CPNE8: variants seen among roughly 807,000 people sequenced by gnomAD.
The protein encoded by CPNE8 is copine 8.
CPNE8 carries 45 observed loss-of-function variants against 81.5 expected under a neutral mutation model. The ratio of observed to expected loss-of-function variants is 0.55; its 90% confidence interval spans 0.44 to 0.71. The LOEUF is 0.71. CPNE8 is among the 30% of genes least tolerant of loss of function. The pLI is 0.00. For synonymous variants in CPNE8, 252 were observed against 226.3 expected, an observed-to-expected ratio of 1.11 and a Z score of -1.02; for missense variants, 594 against 672.1, an observed-to-expected ratio of 0.88 and a Z score of 1.28.
At chr12:38,868,711 T>C (rs758610041) in intron 3 of CPNE8, among the ~76,000 whole-genome samples, 7 of 152,208 alleles carry the variant, frequency 4.6e-5, no homozygotes, top group Non-Finnish European at 8.8e-5. Context: ...TATCTATTTG[T>C]CTCTCCAAAC....
chr12:38,826,875 T>C (rs1398258351), intron 6 of CPNE8, among the ~76,000 whole-genome samples: 1 of 151,858 alleles, frequency 6.6e-6, no homozygotes, highest in Non-Finnish European at 1.5e-5. Context: ...TTTAAAAATA[T>C]GTATACCACA....
At chr12:38,701,914 T>C (rs1405156765) in intron 14 of CPNE8, among the ~76,000 whole-genome samples, 3 of 152,178 alleles carry the variant, frequency 2.0e-5, no homozygotes, top group Non-Finnish European at 4.4e-5. Context: ...TAGAGTCTGG[T>C]CTTATCTGTA....
chr12:38,700,358 C>A (rs929844750), intron 14 of CPNE8, among the ~76,000 whole-genome samples: 12 of 151,558 alleles, frequency 7.9e-5, no homozygotes, highest in African/African-American at 2.9e-4. Context: ...CCTGTCTCAG[C>A]CTCCCTAGTA....
chr12:38,878,388 C>T (rs980618425), intron 1 of CPNE8, among the ~76,000 whole-genome samples: 1 of 152,086 alleles, frequency 6.6e-6, no homozygotes, highest in Admixed American at 6.5e-5. Flanking sequence ...AGTAGATAAG[C>T]AGGAATTTAG....
chr12:38,667,878 A>T (rs1414366989), intron 19 of CPNE8, among the ~76,000 whole-genome samples: 1 of 151,960 alleles, frequency 6.6e-6, no homozygotes, highest in African/African-American at 2.4e-5. Context: ...GCTCACCGCA[A>T]TCTCCACCTC....
rs35643732 is a variant in CPNE8 at position 38,687,370 on chromosome 12, C to CTTTTTTTTTTTTTTTTTTTTTTTT, written c.1144-1754_1144-1753insAAAAAAAAAAAAAAAAAAAAAAAA. ...GCTACCAAATTACGAAATGCCAAGACTTTCTTTTTTTTTTTTTTTTTTTTT... is the reference window on the plus strand; with the variant it reads ...GCTACCAAATTACGAAATGCCAAGACTTTTTTTTTTTTTTTTTTTTTTTTTTTCTTTTTTTTTTTTTTTTTTTTT... On this transcript the variant is annotated intron_variant, in intron 15 of 19. Transcript: ENST00000331366. Among the ~76,000 whole-genome samples, 2 of 95,494 alleles carry CTTTTTTTTTTTTTTTTTTTTTTTT rather than the reference C, an allele frequency of 2.1e-5. 1 individual carries two copies. Among genetic ancestry groups the CTTTTTTTTTTTTTTTTTTTTTTTT allele is most frequent in the Non-Finnish European group, 4.3e-5 (2 of 46,860 alleles). 62.6% of individuals were successfully genotyped at this position (95,494 alleles called of 152,430 possible).
intron 10 of CPNE8, among the ~76,000 whole-genome samples, chr12:38,744,653 G>T (rs1038167688): frequency 2.6e-5 from 4 of 152,082 alleles, no homozygotes; most frequent in Non-Finnish European, 5.9e-5. Flanking sequence ...AAATCTGAAG[G>T]CTCCACATTC....
chr12:38,848,408 G>C (rs1943590275), intron 4 of CPNE8, 151 bp downstream of exon 4: 1 of 1,275,660 alleles, frequency 7.8e-7, no homozygotes, highest in Non-Finnish European at 1.0e-6. Context: ...TGCAAAGCAG[G>C]GGGCTTGCTT....
intron 19 of CPNE8, among the ~76,000 whole-genome samples, chr12:38,667,474 T>C (rs1410029386): frequency 6.6e-6 from 1 of 152,258 alleles, no homozygotes; most frequent in Admixed American, 6.5e-5. Context: ...TTTTACACAA[T>C]GTGAATGTAA....
At chr12:38,654,777 G>A (rs1319946551) in intron 19 of CPNE8, among the ~76,000 whole-genome samples, 1 of 152,046 alleles carries the variant, frequency 6.6e-6, no homozygotes, top group Non-Finnish European at 1.5e-5. Flanking sequence ...GTTAATATAT[G>A]CCTAATTCAG....
chr12:38,712,565 G>A (rs528666236), intron 13 of CPNE8, among the ~76,000 whole-genome samples: 1 of 152,184 alleles, frequency 6.6e-6, no homozygotes, highest in Non-Finnish European at 1.5e-5. Flanking sequence ...CATTTCAATT[G>A]TTCAAGTATT....
At chr12:38,891,449 A>AT (rs745723951) in intron 1 of CPNE8, among the ~76,000 whole-genome samples, 8,177 of 145,700 alleles carry the variant, frequency 0.056, 698 homozygotes, top group African/African-American at 0.19. Flanking sequence ...GTATAAACTA[A>AT]TTTTTTTTTT....
intron 10 of CPNE8, among the ~76,000 whole-genome samples, chr12:38,758,649 G>A (rs1330067582): frequency 6.6e-6 from 1 of 152,126 alleles, no homozygotes; most frequent in Non-Finnish European, 1.5e-5. Flanking sequence ...GGTAACTAAT[G>A]TAGTACCTAT....
chr12:38,705,272 T>C (rs1288248987), intron 13 of CPNE8, among the ~76,000 whole-genome samples: 6 of 152,178 alleles, frequency 3.9e-5, no homozygotes, highest in Non-Finnish European at 8.8e-5. Context: ...ATTCTGCTAT[T>C]ACAGCATAGG....
At chr12:38,863,077 C>T (rs1259214573) in intron 3 of CPNE8, among the ~76,000 whole-genome samples, 1 of 152,068 alleles carries the variant, frequency 6.6e-6, no homozygotes, top group Non-Finnish European at 1.5e-5. Context: ...AGACTAATAA[C>T]TGATAAACCT....
At chr12:38,753,754 C>T (rs1194756327) in intron 10 of CPNE8, among the ~76,000 whole-genome samples, 2 of 152,048 alleles carry the variant, frequency 1.3e-5, no homozygotes, top group African/African-American at 4.8e-5. Context: ...TTGAGAGAGA[C>T]CACATTCACA....
chr12:38,816,067 CAT>C (rs937212209), intron 6 of CPNE8, among the ~76,000 whole-genome samples: 3 of 152,050 alleles, frequency 2.0e-5, no homozygotes, highest in Admixed American at 6.6e-5. Context: ...TTACTAAAAT[CAT>C]AGTTTGCATT....
chr12:38,693,102 G>T (rs150489030), intron 15 of CPNE8, among the ~76,000 whole-genome samples: 1,960 of 152,244 alleles, frequency 0.013, 29 homozygotes, highest in Middle Eastern at 0.041. Flanking sequence ...CCAAGCTCAG[G>T]CCCAAGACAT....
intron 1 of CPNE8, among the ~76,000 whole-genome samples, chr12:38,881,337 C>T (rs143581417): frequency 1.3e-5 from 2 of 152,236 alleles, no homozygotes; most frequent in Non-Finnish European, 2.9e-5. Context: ...GATTATCTGG[C>T]TTTCAAGAAA....
Sources: gnomAD v4.1 joint callset for allele counts (sites outside exome capture counted in the v4.1 genomes callset) on GRCh38, gnomAD v4.1.1 for gene constraint, MANE v1.5 for transcripts, NCBI Gene and HGNC (gene_info 2026-07-23, HGNC 2026-07-21) for gene names.